Variants in NOX3 observed in about 807,000 individuals in gnomAD.
NOX3 encodes the protein NADPH oxidase catalytic subunit-like 3.
In NOX3, 74 loss-of-function variants were observed where a neutral mutation model predicts 76.7. The ratio of observed to expected loss-of-function variants is 0.96; its 90% CI spans 0.80 to 1.17. The LOEUF (loss-of-function observed/expected upper bound fraction) is 1.17. NOX3 is among the 50% of genes most tolerant of loss of function. The pLI is 0.00. For synonymous variants in NOX3, 263 were observed against 261.1 expected (o/e 1.01, Z -0.07); for missense variants, 695 against 703.3 (o/e 0.99, Z 0.13).
chr6:155,431,933 G>T (rs1333931224), intron 7 of NOX3, among the ~76,000 whole-genome samples: 2 of 152,130 alleles, frequency 1.3e-5, no homozygotes, highest in Non-Finnish European at 2.9e-5. Context: ...TATTATCGTG[G>T]TCCTTTCTGT....
In NOX3 at chr6:155,411,353, A is replaced by G. The variant is rs1352834576; in HGVS notation, c.1316T>C (p.Phe439Ser). Residue 439 changes from phenylalanine (F) to serine (S), a missense_variant, in exon 11 of 14, where the codon TTC becomes TCC. Coordinates refer to ENST00000159060, the MANE Select transcript of NOX3 (RefSeq NM_015718.3). ...QTPLKLSKVY[F>S]YWICRDARAF... ...TCTTGCATCCCGGCAAATCCAGTAG[A>G]AATACACCTGTCAAGAGAGAAGGCA... 2 of 1,613,168 alleles carry G rather than the reference A, an allele frequency of 1.2e-6. No individual in the cohort carries two copies. The highest frequency in any genetic ancestry group is 1.7e-5 in the Admixed American group (1 of 59,908).
At chr6:155,454,664 G>C in intron 3 of NOX3, 147 bp downstream of exon 3, 3 of 581,690 alleles carry the variant, frequency 5.2e-6, no homozygotes, top group Non-Finnish European at 8.9e-6. Context: ...CCGTTTTTCT[G>C]TCTTAGCCTT....
intron 4 of NOX3, among the ~76,000 whole-genome samples, chr6:155,445,945 A>AATATATATATGCTATATATATAT (rs1777056529): frequency 7.2e-6 from 1 of 139,532 alleles, no homozygotes; most frequent in Non-Finnish European, 1.5e-5. Context: ...ATAGATATAT[A>AATATATATATGCTATATATATAT]ATATATATAT....
intron 12 of NOX3, among the ~76,000 whole-genome samples, chr6:155,400,755 A>G (rs1008806724): frequency 6.6e-6 from 1 of 151,820 alleles, no homozygotes; most frequent in Admixed American, 6.6e-5. Flanking sequence ...GTCCCTAACC[A>G]GGCTCACTGT....
intron 5 of NOX3, among the ~76,000 whole-genome samples, chr6:155,440,688 A>C (rs200362830): frequency 0.014 from 2,154 of 151,174 alleles, 48 homozygotes; most frequent in African/African-American, 0.038. Context: ...AAAAACAAAA[A>C]AAAAAAAAAC....
At chr6:155,418,454 C>G (rs1582933209) in intron 10 of NOX3, among the ~76,000 whole-genome samples, 1 of 152,138 alleles carries the variant, frequency 6.6e-6, no homozygotes, top group Admixed American at 6.5e-5. Context: ...CTTACTTCTG[C>G]GTTGAAAATA....
At chr6:155,431,384 A>G (rs1032618878) in intron 7 of NOX3, among the ~76,000 whole-genome samples, 10 of 149,524 alleles carry the variant, frequency 6.7e-5, no homozygotes, top group African/African-American at 2.5e-4. Context: ...ATGCATCACA[A>G]CTACAGGGTC....
intron 10 of NOX3, among the ~76,000 whole-genome samples, chr6:155,420,526 C>G (rs1349276052): frequency 1.3e-5 from 2 of 152,144 alleles, no homozygotes; most frequent in Non-Finnish European, 1.5e-5. Context: ...AGAAGATGAG[C>G]TTTGGTGCCA....
rs750022977 is a variant in NOX3 at position 155,411,375 on chromosome 6, G to A, written c.1309-15C>T. ...TAGAAATACACCTGTCAAGAGAGAAGGCAAGTGAACGGATCTATTCTCTTT... is the reference window on the plus strand; with the variant it reads ...TAGAAATACACCTGTCAAGAGAGAAAGCAAGTGAACGGATCTATTCTCTTT... On this transcript the variant is annotated splice_polypyrimidine_tract_variant and intron_variant, in intron 10 of 13. Coordinates refer to ENST00000159060, the MANE Select transcript of NOX3 (RefSeq NM_015718.3). 2.5e-6 allele frequency: 4 copies of A among 1,610,346 alleles called. No individual in the cohort carries two copies. The African/African-American group carries it at 4.0e-5, about 16-fold the overall frequency.
rs1382215987 is a variant in NOX3 at position 155,395,408 on chromosome 6, G to A, written c.*194C>T. ...TATTTTAATTTCAGTAAATGTTTTT[G>A]TTCTGTTGTATATGACATGTTATTT... On this transcript the variant is annotated 3_prime_UTR_variant, in exon 14 of 14. Transcript: ENST00000159060. 1 of 152,098 alleles carries A rather than the reference G, an allele frequency of 6.6e-6. No individual in the cohort carries two copies. Among genetic ancestry groups the A allele is most frequent in the East Asian group, 1.9e-4 (1 of 5,200 alleles). The allele number at this position is 152,098 out of a possible 1,614,324, so 9.4% of individuals were successfully genotyped here. A position where few individuals can be genotyped will look rare whatever the true frequency, so the allele number is the denominator to read the frequency against.
intron 12 of NOX3, among the ~76,000 whole-genome samples, chr6:155,397,692 G>C (rs183117083): frequency 6.6e-6 from 1 of 152,096 alleles, no homozygotes; most frequent in Non-Finnish European, 1.5e-5. Context: ...CATTCAAAAG[G>C]GTTTTAAAAA....
intron 4 of NOX3, among the ~76,000 whole-genome samples, chr6:155,446,087 G>A (rs530303288): frequency 1.2e-3 from 185 of 150,756 alleles, no homozygotes; most frequent in African/African-American, 4.4e-3. Flanking sequence ...AGAAGGCAAA[G>A]CACTCGATAG....
At chr6:155,400,283 C>T (rs912919756) in intron 12 of NOX3, among the ~76,000 whole-genome samples, 26 of 152,200 alleles carry the variant, frequency 1.7e-4, no homozygotes, top group South Asian at 6.2e-4. Flanking sequence ...GTTCTGCTGC[C>T]GTGAGCCCTT....
At chr6:155,439,618 A>T (rs912100452) in intron 6 of NOX3, among the ~76,000 whole-genome samples, 3 of 152,218 alleles carry the variant, frequency 2.0e-5, no homozygotes, top group African/African-American at 7.2e-5. Flanking sequence ...TCAAAAATAT[A>T]TATCCTGAGT....
chr6:155,424,003 A>G (rs1299349962), intron 9 of NOX3, among the ~76,000 whole-genome samples: 3 of 151,988 alleles, frequency 2.0e-5, no homozygotes, highest in African/African-American at 7.3e-5. Context: ...GGCCTCCCAA[A>G]GTGCTGGGAT....
In NOX3 at chr6:155,428,946, AG is replaced by A; in HGVS notation, c.992del (p.Ser331PhefsTer63). ...GGGTGAAGGGGTGCCACTCCAGCGAAGATATGGCTGGGCACTGCACCAAGAT... is the reference window on the plus strand; with the variant it reads ...GGGTGAAGGGGTGCCACTCCAGCGAAATATGGCTGGGCACTGCACCAAGAT... ...QYILVQCPAI[S>X]SLEWHPFTLT... On this transcript the variant is annotated frameshift_variant, in exon 9 of 14. Transcript: ENST00000159060. LOFTEE classifies it high-confidence loss of function. 1 of 1,614,062 alleles carries A rather than the reference AG, an allele frequency of 6.2e-7. No individual in the cohort carries two copies. Among genetic ancestry groups the A allele is most frequent in the African/African-American group, 1.3e-5 (1 of 75,022 alleles).
At chr6:155,450,146 C>A (rs557343267) in intron 4 of NOX3, among the ~76,000 whole-genome samples, 1 of 152,090 alleles carries the variant, frequency 6.6e-6, no homozygotes, top group Admixed American at 6.5e-5. Context: ...CAGTTCTGAC[C>A]CTGCTGGGGG....
intron 9 of NOX3, among the ~76,000 whole-genome samples, chr6:155,424,941 T>C (rs1776738558): frequency 6.6e-6 from 1 of 152,210 alleles, no homozygotes. Flanking sequence ...AAATATACAA[T>C]AAACAAATTT....
intron 4 of NOX3, 32 bp from the exon 5 acceptor site, chr6:155,443,450 C>G: frequency 6.2e-7 from 1 of 1,602,840 alleles, no homozygotes; most frequent in Non-Finnish European, 8.5e-7. Context: ...AAACATGCAC[C>G]CTGTGGCTTG....
Sources: gnomAD v4.1 joint callset for allele counts (sites outside exome capture counted in the v4.1 genomes callset) on GRCh38, gnomAD v4.1.1 for gene constraint, MANE v1.5 for transcripts, NCBI Gene and HGNC (gene_info 2026-07-23, HGNC 2026-07-21) for gene names.